HIGD1C: variants seen among roughly 807,000 people sequenced by gnomAD.
HIGD1C encodes HIG1 hypoxia inducible domain family member 1C, also known as HIG1 domain family member 1C.
In HIGD1C, 11 loss-of-function variants were observed where a neutral mutation model predicts 13.1. That is an observed-to-expected ratio of 0.84 (90% CI 0.53 to 1.39). The LOEUF (loss-of-function observed/expected upper bound fraction) is 1.39, where lower values mean the gene tolerates loss of function less well. Among genes scored for constraint, HIGD1C ranks in the 40% most tolerant of loss-of-function variants. The pLI is 0.00. For missense variants in HIGD1C, 110 were observed against 112.0 expected, an observed-to-expected ratio of 0.98 and a Z score of 0.08; for synonymous variants, 36 against 37.7, an observed-to-expected ratio of 0.95 and a Z score of 0.17.
the HIGD1C span, among the ~76,000 whole-genome samples, chr12:50,937,565 T>C: frequency 6.6e-6 from 1 of 152,136 alleles, no homozygotes; most frequent in Non-Finnish European, 1.5e-5. Flanking sequence ...TGGTGTGTGC[T>C]TCAGTCCATT....
chr12:50,938,526 T>G, the HIGD1C span, among the ~76,000 whole-genome samples: 1 of 152,070 alleles, frequency 6.6e-6, no homozygotes, highest in Non-Finnish European at 1.5e-5. Flanking sequence ...CCCCACCAAC[T>G]CAGTAGGGCA....
At chr12:50,958,986 C>A (rs1939219353) in intron 1 of HIGD1C, among the ~76,000 whole-genome samples, 1 of 151,904 alleles carries the variant, frequency 6.6e-6, no homozygotes, top group Non-Finnish European at 1.5e-5. Flanking sequence ...CACTTCACTG[C>A]AGCCTGGGTG....
chr12:50,958,975 C>T (rs192777596), intron 1 of HIGD1C, among the ~76,000 whole-genome samples: 99 of 151,290 alleles, frequency 6.5e-4, no homozygotes, highest in African/African-American at 2.2e-3. Context: ...TGAGATTGTA[C>T]CACTTCACTG....
chr12:50,934,944 T>G, the HIGD1C span: 1 of 152,208 alleles, frequency 6.6e-6, no homozygotes, highest in Admixed American at 6.5e-5. Context: ...TGTCTTATAT[T>G]CTGAAACATT....
chr12:50,966,005 A>T (rs560731855), intron 2 of HIGD1C, among the ~76,000 whole-genome samples: 1 of 152,194 alleles, frequency 6.6e-6, no homozygotes, highest in Non-Finnish European at 1.5e-5. Flanking sequence ...GCTTCTGCCC[A>T]TAAGTTTCAG....
At chr12:50,939,563 C>T in the HIGD1C span, among the ~76,000 whole-genome samples, 6 of 152,234 alleles carry the variant, frequency 3.9e-5, no homozygotes, top group East Asian at 1.9e-4. Flanking sequence ...AGTGCTGCCT[C>T]GACACTTTTA....
intron 2 of HIGD1C, among the ~76,000 whole-genome samples, chr12:50,962,570 G>A (rs1939378678): frequency 6.6e-6 from 1 of 151,636 alleles, no homozygotes; most frequent in Non-Finnish European, 1.5e-5. Flanking sequence ...TGTGGCATGC[G>A]CCTGTAGTCA....
chr12:50,933,940 A>G, the HIGD1C span, among the ~76,000 whole-genome samples: 1 of 152,204 alleles, frequency 6.6e-6, no homozygotes, highest in Non-Finnish European at 1.5e-5. Flanking sequence ...GCAAGATCCA[A>G]TCAGATCATG....
upstream of HIGD1C, among the ~76,000 whole-genome samples, chr12:50,953,226 G>C (rs779352204): frequency 1.3e-5 from 2 of 152,224 alleles, no homozygotes; most frequent in Non-Finnish European, 2.9e-5. Context: ...AGGAACAACA[G>C]GAGACAGACA....
chr12:50,963,619 G>C (rs1176133796), intron 2 of HIGD1C, among the ~76,000 whole-genome samples: 1 of 152,092 alleles, frequency 6.6e-6, no homozygotes, highest in Non-Finnish European at 1.5e-5. Flanking sequence ...AATTCAGCAG[G>C]AGCCATGGTG....
the HIGD1C span, among the ~76,000 whole-genome samples, chr12:50,942,841 A>T: frequency 2.7e-5 from 4 of 149,986 alleles, no homozygotes; most frequent in Admixed American, 1.3e-4. Context: ...TCCATCCTAG[A>T]CAGAGCCAAA....
the HIGD1C span, among the ~76,000 whole-genome samples, chr12:50,941,150 C>A: frequency 6.6e-6 from 1 of 152,112 alleles, no homozygotes; most frequent in Non-Finnish European, 1.5e-5. Context: ...CCATACCCAG[C>A]TGAATTTTTT....
chr12:50,945,373 A>C, the HIGD1C span, among the ~76,000 whole-genome samples: 12 of 152,360 alleles, frequency 7.9e-5, no homozygotes, highest in South Asian at 2.5e-3. Context: ...GCTGATAAGC[A>C]ACTTCAGCAA....
chr12:50,960,253 A>C (rs1432602941), intron 1 of HIGD1C, among the ~76,000 whole-genome samples: 1 of 152,180 alleles, frequency 6.6e-6, no homozygotes, highest in African/African-American at 2.4e-5. Context: ...TAGAAGCACA[A>C]ATTTTTTCTC....
chr12:50,957,092 C>A (rs1368847545), intron 1 of HIGD1C, among the ~76,000 whole-genome samples: 2 of 151,490 alleles, frequency 1.3e-5, no homozygotes, highest in African/African-American at 4.9e-5. Context: ...TTTACTGATT[C>A]TTATTTCCAT....
the HIGD1C span, among the ~76,000 whole-genome samples, chr12:50,942,145 G>A: frequency 6.6e-6 from 1 of 152,138 alleles, no homozygotes; most frequent in Non-Finnish European, 1.5e-5. Flanking sequence ...GCCTCCCAAA[G>A]TCCTGGGATT....
At chr12:50,971,169 G>A (rs550454070), downstream of HIGD1C, among the ~76,000 whole-genome samples, 9 of 150,536 alleles carry the variant, frequency 6.0e-5, no homozygotes, top group South Asian at 2.2e-4. Flanking sequence ...CGTGAGCCAC[G>A]GCGCCGAGCC....
rs909570648 is a variant in HIGD1C, at chr12:50,959,435, G to A, written c.95-1533G>A. Among the ~76,000 whole-genome samples, 13 of 152,044 alleles carry A rather than the reference G, an allele frequency of 8.6e-5. 1 individual carries two copies. Among genetic ancestry groups the A allele is most frequent in the Admixed American group, 8.5e-4 (13 of 15,260 alleles). ...GTGCCCGGCCCCATATCCTCTTATAGATGTTATAAATACACTATTCTATTT... is the reference window on the plus strand; with the variant it reads ...GTGCCCGGCCCCATATCCTCTTATAAATGTTATAAATACACTATTCTATTT... On this transcript the variant is annotated intron_variant, in intron 1 of 2. Coordinates refer to ENST00000398455, the Ensembl canonical transcript of HIGD1C.
the HIGD1C span, among the ~76,000 whole-genome samples, chr12:50,941,869 C>T: frequency 6.6e-6 from 1 of 152,142 alleles, no homozygotes; most frequent in African/African-American, 2.4e-5. Flanking sequence ...CATTATCACT[C>T]TCCTATTCAT....
Sources: gnomAD v4.1 joint callset for allele counts (sites outside exome capture counted in the v4.1 genomes callset) on GRCh38, gnomAD v4.1.1 for gene constraint, MANE v1.5 for transcripts, NCBI Gene and HGNC (gene_info 2026-07-23, HGNC 2026-07-21) for gene names.